PRKACB: variants seen among roughly 807,000 people sequenced by gnomAD.
PRKACB encodes protein kinase cAMP-activated catalytic subunit beta, also known as cAMP-dependent protein kinase catalytic subunit beta.
Under a neutral mutation model 51.4 loss-of-function variants are expected in PRKACB, and 16 were observed. That is an observed-to-expected ratio of 0.31 (90% CI 0.21 to 0.47). The LOEUF is 0.47. Among genes scored for constraint, PRKACB ranks in the 20% least tolerant of loss-of-function variants. PRKACB has a pLI of 1.00. For missense variants in PRKACB, 309 were observed against 464.5 expected, an observed-to-expected ratio of 0.67 and a Z score of 3.08; for synonymous variants, 147 against 154.4, an observed-to-expected ratio of 0.95 and a Z score of 0.35.
chr1:84,175,281 G>A (rs1353387389), intron 1 of PRKACB, among the ~76,000 whole-genome samples: 1 of 151,498 alleles, frequency 6.6e-6, no homozygotes, highest in Non-Finnish European at 1.5e-5. Context: ...AATAACTGTA[G>A]CACCATGAAA....
chr1:84,223,059 A>G (rs2101635671), intron 9 of PRKACB, among the ~76,000 whole-genome samples: 1 of 152,304 alleles, frequency 6.6e-6, no homozygotes, highest in African/African-American at 2.4e-5. Flanking sequence ...AATCTCTTAA[A>G]AGAACTAGGA....
chr1:84,204,580 C>A, intron 8 of PRKACB: 2 of 1,466,194 alleles, frequency 1.4e-6, no homozygotes, highest in Non-Finnish European at 1.8e-6. Flanking sequence ...CTCAAGAGGA[C>A]TAAAGGTCAT....
chr1:84,205,324 C>A, intron 8 of PRKACB: 1 of 938,626 alleles, frequency 1.1e-6, no homozygotes, highest in Non-Finnish European at 1.3e-6. Context: ...TCTCTATTCA[C>A]ATTGCAAAAA....
chr1:84,085,315 T>C (rs1252036357), intron 1 of PRKACB, among the ~76,000 whole-genome samples: 1 of 152,184 alleles, frequency 6.6e-6, no homozygotes, highest in East Asian at 1.9e-4. Context: ...AGATGTAATT[T>C]AGTAGTAAAA....
At chr1:84,230,772 AC>A (rs1327729832) in intron 9 of PRKACB, among the ~76,000 whole-genome samples, 1 of 149,240 alleles carries the variant, frequency 6.7e-6, no homozygotes, top group Non-Finnish European at 1.5e-5. Flanking sequence ...TGATTTTTGT[AC>A]ATTGATTTTG....
intron 1 of PRKACB, among the ~76,000 whole-genome samples, chr1:84,083,019 A>G (rs1204479500): frequency 6.6e-6 from 1 of 152,244 alleles, no homozygotes. Context: ...TTAATTTATT[A>G]ACTACAAAGT....
chr1:84,180,067 GT>G (rs555743673), intron 2 of PRKACB, among the ~76,000 whole-genome samples: 389 of 147,294 alleles, frequency 2.6e-3, no homozygotes, highest in Non-Finnish European at 4.1e-3. Flanking sequence ...AAAAAAAGAG[GT>G]CGTTATTTGA....
chr1:84,136,190 A>T (rs1350865773), intron 1 of PRKACB, among the ~76,000 whole-genome samples: 1 of 149,080 alleles, frequency 6.7e-6, no homozygotes, highest in African/African-American at 2.4e-5. Context: ...CACAAGTGTA[A>T]ATAAATCTGA....
chr1:84,091,765 A>G (rs952784208), intron 1 of PRKACB, among the ~76,000 whole-genome samples: 1 of 152,152 alleles, frequency 6.6e-6, no homozygotes, highest in Non-Finnish European at 1.5e-5. Flanking sequence ...TCAGCCTTCC[A>G]AAGTGCTGGG....
intron 1 of PRKACB, among the ~76,000 whole-genome samples, chr1:84,111,668 G>A (rs1032819691): frequency 2.6e-5 from 4 of 151,612 alleles, no homozygotes; most frequent in South Asian, 2.1e-4. Flanking sequence ...ACAAACCCCC[G>A]TGACACAAGT....
intron 9 of PRKACB, among the ~76,000 whole-genome samples, chr1:84,226,801 G>A (rs1208237146): frequency 6.6e-6 from 1 of 152,122 alleles, no homozygotes; most frequent in Admixed American, 6.5e-5. Context: ...GAATGGAAGT[G>A]CCCAAGAATA....
rs143643149 is a variant in PRKACB, at chr1:84,078,896, A to G, written c.46+525A>G. Reference sequence around the variant, plus strand: ...CCTTAGAGATCCTTCATCTCTTCAGATTAGGAATGGAAAACATAATGAGAC... The same window carrying G: ...CCTTAGAGATCCTTCATCTCTTCAGGTTAGGAATGGAAAACATAATGAGAC... On this transcript the variant is annotated intron_variant, in intron 1 of 8. Transcript: ENST00000370688. Among the ~76,000 whole-genome samples the G allele has an allele frequency of 2.6e-5, 4 of 152,282 alleles. No homozygotes were observed. The East Asian group carries it at 5.8e-4, about 22-fold the overall frequency.
intron 1 of PRKACB, among the ~76,000 whole-genome samples, chr1:84,139,268 A>G (rs1653145738): frequency 6.6e-6 from 1 of 152,190 alleles, no homozygotes; most frequent in Non-Finnish European, 1.5e-5. Flanking sequence ...ATGACTGCCT[A>G]CATAGAAAAT....
intron 9 of PRKACB, among the ~76,000 whole-genome samples, chr1:84,226,673 G>C (rs763000244): frequency 6.6e-6 from 1 of 151,954 alleles, no homozygotes; most frequent in Non-Finnish European, 1.5e-5. Context: ...CATTTTGTCT[G>C]TTCCTTTTCA....
chr1:84,231,899 GT>G (rs1296482688), intron 9 of PRKACB, among the ~76,000 whole-genome samples: 6 of 151,206 alleles, frequency 4.0e-5, no homozygotes, highest in Non-Finnish European at 7.4e-5. Flanking sequence ...TTTTTGAAGG[GT>G]TTTTTGTGTC....
At chr1:84,216,146 CTGGCAAACA>C (rs1360887561) in intron 9 of PRKACB, among the ~76,000 whole-genome samples, 1 of 152,018 alleles carries the variant, frequency 6.6e-6, no homozygotes, top group Non-Finnish European at 1.5e-5. Flanking sequence ...TGAGACCAGC[CTGGCAAACA>C]TGGCAAAACC....
chr1:84,229,600 C>A (rs1160784355), intron 9 of PRKACB, among the ~76,000 whole-genome samples: 4 of 151,480 alleles, frequency 2.6e-5, no homozygotes, highest in African/African-American at 9.7e-5. Flanking sequence ...CCTGTTATTT[C>A]CTGACTTTTT....
At chr1:84,159,381 TAA>T (rs1420881790) in intron 1 of PRKACB, among the ~76,000 whole-genome samples, 2 of 152,082 alleles carry the variant, frequency 1.3e-5, no homozygotes, top group East Asian at 1.9e-4. Context: ...TGTGAATGGA[TAA>T]GTCTTAATTT....
chr1:84,089,908 A>G (rs1210848345), intron 1 of PRKACB, among the ~76,000 whole-genome samples: 5 of 151,990 alleles, frequency 3.3e-5, no homozygotes, highest in Non-Finnish European at 7.4e-5. Context: ...TTTCTTCTTA[A>G]CCATTCTAGA....
Sources: allele counts gnomAD v4.1 joint callset (sites outside exome capture counted in the v4.1 genomes callset), GRCh38; gene constraint gnomAD v4.1.1; transcripts MANE v1.5; gene names NCBI Gene and HGNC (gene_info 2026-07-23, HGNC 2026-07-21).